Variants in AOX1 observed in about 807,000 individuals in gnomAD.
The protein encoded by AOX1 is aldehyde oxidase.
In AOX1, 153 loss-of-function variants were observed where a neutral mutation model predicts 169.5. The observed-to-expected ratio is 0.90, with a 90% confidence interval of 0.79 to 1.03. The LOEUF (loss-of-function observed/expected upper bound fraction) is 1.03. AOX1 is among the 50% of genes least tolerant of loss of function. The probability of loss-of-function intolerance (pLI) is 0.00; values close to 1 mark genes in which losing one functional copy is unlikely to be tolerated. For synonymous variants in AOX1, 562 were observed against 581.9 expected (o/e 0.97, Z 0.49); for missense variants, 1,656 against 1,663.9 (o/e 1.00, Z 0.08).
intron 24 of AOX1, among the ~76,000 whole-genome samples, chr2:200,642,050 ACC>A (rs1378872221): frequency 6.6e-6 from 1 of 151,838 alleles, no homozygotes; most frequent in African/African-American, 2.4e-5. Flanking sequence ...AATCACTTGA[ACC>A]CCGGAGGCAG....
At chr2:200,618,506 T>G (rs2034816000) in intron 16 of AOX1, among the ~76,000 whole-genome samples, 3 of 152,208 alleles carry the variant, frequency 2.0e-5, no homozygotes, top group Admixed American at 2.0e-4. Context: ...TTTTACTTCT[T>G]GTCATTTATG....
At chr2:200,593,990 G>A (rs935808906) in intron 2 of AOX1, among the ~76,000 whole-genome samples, 5 of 152,176 alleles carry the variant, frequency 3.3e-5, no homozygotes, top group Non-Finnish European at 7.4e-5. Flanking sequence ...AAGATAGAAG[G>A]TAGGAGTTTC....
At chr2:200,622,171 T>C (rs928147838) in intron 18 of AOX1, among the ~76,000 whole-genome samples, 1 of 152,248 alleles carries the variant, frequency 6.6e-6, no homozygotes, top group African/African-American at 2.4e-5. Context: ...GTGACCTTTA[T>C]GTACTTTCTA....
At chr2:200,600,306 A>C (rs1346936515) in intron 5 of AOX1, among the ~76,000 whole-genome samples, 2 of 152,110 alleles carry the variant, frequency 1.3e-5, no homozygotes, top group African/African-American at 4.8e-5. Context: ...CACTCTCCCT[A>C]CTGGGTGGTG....
At chr2:200,603,390 T>G in intron 7 of AOX1, 34 bp downstream of exon 7, 2 of 1,544,678 alleles carry the variant, frequency 1.3e-6, no homozygotes, top group Non-Finnish European at 1.8e-6. Context: ...TAAGGCTTTC[T>G]CAGGACATGA....
At chr2:200,597,580 G>A in intron 4 of AOX1, 75 bp downstream of exon 4, 4 of 1,143,692 alleles carry the variant, frequency 3.5e-6, no homozygotes, top group South Asian at 1.5e-5. Context: ...GAGATTAAGA[G>A]AGCGGAGCAG....
In AOX1 at chr2:200,642,756, T is replaced by G. The variant is rs1477809178; in HGVS notation, c.2802T>G (p.Ser934=). The change falls in exon 25 of 35, where the codon TCT becomes TCG. Residue 934 remains serine (S), a synonymous_variant. Coordinates refer to ENST00000374700, the MANE Select transcript of AOX1 (RefSeq NM_001159.4). ...CTCAGGCAGCGCTGATCACCGAATCTTGTATCACGGAAGTTGCAGCCAAAT... is the reference window on the plus strand; with the variant it reads ...CTCAGGCAGCGCTGATCACCGAATCGTGTATCACGGAAGTTGCAGCCAAAT... ...GFPQAALITE[S]CITEVAAKCG... 2 of 1,613,930 alleles carry G rather than the reference T, an allele frequency of 1.2e-6. No homozygotes were observed. The highest frequency in any genetic ancestry group is 1.7e-6 in the Non-Finnish European group (2 of 1,179,906).
Position 200,638,246 on chromosome 2 carries a change from C to T in AOX1, c.2512C>T (p.Arg838Ter), listed in dbSNP as rs961341488. The T allele has an allele frequency of 7.4e-6, 12 of 1,613,402 alleles. No homozygotes were observed. Among genetic ancestry groups the T allele is most frequent in the East Asian group, 2.2e-5 (1 of 44,870 alleles). ...HGRAVRCVLE[R>*]GEDMLITGGR... ...CCGTGCAGTTCGCTGTGTTCTGGAA[C>T]GAGGAGAAGACATGTTAATAACTGG... The change falls in exon 23 of 35, where the codon CGA becomes TGA. Residue 838 changes from arginine to a stop codon, truncating the protein, a stop_gained. Transcript: ENST00000374700. LOFTEE classifies it high-confidence loss of function.
intron 27 of AOX1, among the ~76,000 whole-genome samples, chr2:200,657,141 T>C (rs138807083): frequency 0.01 from 1,368 of 132,792 alleles, 34 homozygotes; most frequent in African/African-American, 0.036. Flanking sequence ...CCAGGGAACA[T>C]AGGGAGATTC....
At chr2:200,638,539 G>A (rs558564878) in intron 23 of AOX1, among the ~76,000 whole-genome samples, 2 of 152,290 alleles carry the variant, frequency 1.3e-5, no homozygotes, top group African/African-American at 4.8e-5. Flanking sequence ...AGTGCTAGCT[G>A]GTATTGGCTG....
chr2:200,595,725 A>G (rs967757604), intron 3 of AOX1, among the ~76,000 whole-genome samples: 1 of 152,118 alleles, frequency 6.6e-6, no homozygotes, highest in Non-Finnish European at 1.5e-5. Flanking sequence ...CAAAACTTGA[A>G]TGGCTCCCTA....
chr2:200,631,918 T>G (rs1053516974), intron 20 of AOX1, among the ~76,000 whole-genome samples: 1 of 152,138 alleles, frequency 6.6e-6, no homozygotes, highest in Admixed American at 6.6e-5. Context: ...CTTGTGAAAT[T>G]TTAATGTTTA....
At chr2:200,599,304 C>T (rs188187308) in intron 4 of AOX1, among the ~76,000 whole-genome samples, 22 of 152,256 alleles carry the variant, frequency 1.4e-4, no homozygotes, top group African/African-American at 5.3e-4. Context: ...GATGTATGCC[C>T]GTGCCCCATT....
rs1340220537 is a variant in AOX1, at chr2:200,641,146, T to C, written c.2617T>C (p.Tyr873His). 2 of 1,613,660 alleles carry C rather than the reference T, an allele frequency of 1.2e-6. No homozygotes were observed. Among genetic ancestry groups the C allele is most frequent in the South Asian group, 1.1e-5 (1 of 91,026 alleles). The change falls in exon 24 of 35, where the codon TAC becomes CAC. Residue 873 changes from tyrosine (Y) to histidine (H), a missense_variant. Transcript: ENST00000374700. ...AATCTTGGCCCTGGACATGGAGCAT[T>C]ACAGCAATGCAGGCGCCTCCTTGGA... ...GRILALDMEH[Y>H]SNAGASLDES...
At chr2:200,654,043 C>A (rs1186177134) in intron 26 of AOX1, among the ~76,000 whole-genome samples, 1 of 151,976 alleles carries the variant, frequency 6.6e-6, no homozygotes, top group South Asian at 2.1e-4. Flanking sequence ...CCCTGAGACA[C>A]AATGATATTG....
At chr2:200,644,808 T>C (rs2035417721) in intron 25 of AOX1, among the ~76,000 whole-genome samples, 1 of 152,148 alleles carries the variant, frequency 6.6e-6, no homozygotes, top group Non-Finnish European at 1.5e-5. Context: ...TTTGCAACTA[T>C]TGTAAAAGGG....
intron 1 of AOX1, 21 bp downstream of exon 1, chr2:200,586,174 T>G: frequency 1.9e-6 from 3 of 1,550,954 alleles, no homozygotes; most frequent in Non-Finnish European, 2.6e-6. Flanking sequence ...GCGGGCTTCC[T>G]CTGCCCCCAG....
intron 4 of AOX1, among the ~76,000 whole-genome samples, chr2:200,599,263 G>C (rs368321612): frequency 2.6e-5 from 4 of 152,086 alleles, no homozygotes; most frequent in African/African-American, 9.7e-5. Context: ...ACAACTGCAC[G>C]TTGAAACCAA....
chr2:200,623,949 A>C lies in AOX1; in HGVS notation c.2090A>C (p.Tyr697Ser). The C allele has an allele frequency of 6.2e-7, 1 of 1,614,154 alleles. No individual in the cohort carries two copies. Among genetic ancestry groups the C allele is most frequent in the East Asian group, 2.2e-5 (1 of 44,880 alleles). The change falls in exon 19 of 35, where the codon TAT becomes TCT. Residue 697 changes from tyrosine (Y) to serine (S), a missense_variant. Coordinates refer to ENST00000374700, the MANE Select transcript of AOX1 (RefSeq NM_001159.4). ...KRAAKRVKIV[Y>S]QDLEPLILTI... ...GCTGCTAAGCGAGTGAAGATTGTCTATCAAGACTTGGAGCCGCTGATACTA... is the reference window on the plus strand; with the variant it reads ...GCTGCTAAGCGAGTGAAGATTGTCTCTCAAGACTTGGAGCCGCTGATACTA...
Sources: gnomAD v4.1 joint callset for allele counts (sites outside exome capture counted in the v4.1 genomes callset) on GRCh38, gnomAD v4.1.1 for gene constraint, MANE v1.5 for transcripts, NCBI Gene and HGNC (gene_info 2026-07-23, HGNC 2026-07-21) for gene names.